The following SERPINF2 variants were observed in gnomAD, a reference collection of about 807,000 sequenced individuals.
SERPINF2 encodes serpin family F member 2.
Under a neutral mutation model 45.0 loss-of-function variants are expected in SERPINF2, and 15 were observed. That is an observed-to-expected ratio of 0.33 (90% CI 0.22 to 0.51). The LOEUF (loss-of-function observed/expected upper bound fraction) is 0.51, where lower values mean the gene tolerates loss of function less well. Ranked by LOEUF, SERPINF2 falls within the 20% of genes least tolerant of loss-of-function variation. The probability of loss-of-function intolerance (pLI) is 0.97; values close to 1 mark genes in which losing one functional copy is unlikely to be tolerated. For missense variants in SERPINF2, 518 were observed against 637.4 expected, an observed-to-expected ratio of 0.81 and a Z score of 2.02; for synonymous variants, 283 against 277.9, an observed-to-expected ratio of 1.02 and a Z score of -0.18.
intron 9 of SERPINF2, 119 bp downstream of exon 9, chr17:1,752,909 G>A (rs775052592): frequency 1.5e-5 from 13 of 880,352 alleles, no homozygotes; most frequent in Non-Finnish European, 2.1e-5. Flanking sequence ...TCTTTTCCAG[G>A]GCTTCGGGAG....
intron 8 of SERPINF2, among the ~76,000 whole-genome samples, chr17:1,750,040 C>T (rs2034865233): frequency 6.6e-6 from 1 of 151,548 alleles, no homozygotes; most frequent in African/African-American, 2.4e-5. Flanking sequence ...GTGGCACGAT[C>T]TCGGCTCACT....
Position 1,748,518 on chromosome 17 carries a change from G to A in SERPINF2, c.716-80G>A, listed in dbSNP as rs995034755. ...GGGCTGGGGGTGCAGAGCCCAAGCTGGTCCCCATCGACGTGACCCCTGCCC... is the reference window on the plus strand; with the variant it reads ...GGGCTGGGGGTGCAGAGCCCAAGCTAGTCCCCATCGACGTGACCCCTGCCC... On this transcript the variant is annotated intron_variant, in intron 7 of 9. Coordinates refer to ENST00000453066, the MANE Select transcript of SERPINF2 (RefSeq NM_000934.4). The A allele has an allele frequency of 1.9e-6, 3 of 1,574,578 alleles. No homozygotes were observed. In the African/African-American group the frequency reaches 4.0e-5, roughly 21 times the overall value.
At chr17:1,746,014 T>C in intron 5 of SERPINF2, 105 bp downstream of exon 5, 1 of 1,275,146 alleles carries the variant, frequency 7.8e-7, no homozygotes, top group South Asian at 1.2e-5. Context: ...GTCACGTGGC[T>C]GTTTGGTAAA....
In SERPINF2 at chr17:1,754,318, C is replaced by T. The variant is rs147941157; in HGVS notation, c.1260C>T (p.Phe420=). 275 of 1,614,180 alleles carry T rather than the reference C, an allele frequency of 1.7e-4. 1 individual carries two copies. The East Asian group carries it at 4.7e-3, about 27-fold the overall frequency. ...SVNRPFLFFI[F]EDTTGLPLFV... ...ACCGCCCCTTCCTCTTCTTCATCTT[C>T]GAGGACACCACAGGCCTTCCCCTCT... Residue 420 remains phenylalanine (F), a synonymous_variant, in exon 10 of 10, where the codon TTC becomes TTT. Coordinates refer to ENST00000453066, the MANE Select transcript of SERPINF2 (RefSeq NM_000934.4).
intron 9 of SERPINF2, among the ~76,000 whole-genome samples, chr17:1,753,233 C>T (rs948348042): frequency 1.2e-4 from 18 of 152,114 alleles, no homozygotes; most frequent in African/African-American, 3.9e-4. Flanking sequence ...ATTGAAACTC[C>T]GTCCCTACAA....
rs753995965 is a variant in SERPINF2 at position 1,747,498 on chromosome 17, C to T, written c.701C>T (p.Ala234Val). Reference sequence around the variant, plus strand: ...GACACCGTGTTGCTTCTCCTCAACGCCATCCACTTCCAGGGTGCGCTCCTC... The same window carrying T: ...GACACCGTGTTGCTTCTCCTCAACGTCATCCACTTCCAGGGTGCGCTCCTC... ...PEDTVLLLLN[A>V]IHFQGFWRNK... The change falls in exon 7 of 10, where the codon GCC (alanine) becomes GTC (valine). Residue 234 changes from alanine to valine, a missense_variant. This residue lies in a region of SERPINF2 where 435 missense variants were observed against 577.3 expected (regional missense o/e 0.75). Coordinates refer to ENST00000453066, the MANE Select transcript of SERPINF2 (RefSeq NM_000934.4). The T allele has an allele frequency of 7.4e-6, 12 of 1,613,844 alleles. No homozygotes were observed. The South Asian group carries it at 1.2e-4, about 16-fold the overall frequency.
chr17:1,751,733 G>A lies in SERPINF2; in HGVS notation c.859-853G>A, dbSNP rs750535756. ...TGCGCCACTGCACTCCAGCCTGGGC[G>A]ACAGTGCGAGACTCCAACTCAAAAG... On this transcript the variant is annotated intron_variant, in intron 8 of 9. Coordinates refer to ENST00000453066, the MANE Select transcript of SERPINF2 (RefSeq NM_000934.4). 2.4e-4 allele frequency among the ~76,000 whole-genome samples: 33 copies of A among 137,250 alleles called. 9 individuals carry two copies. The highest frequency in any genetic ancestry group is 4.6e-4 in the Non-Finnish European group (28 of 60,882). 90.0% of individuals were successfully genotyped at this position (137,250 alleles called of 152,430 possible). A position where few individuals can be genotyped will look rare whatever the true frequency, so the allele number is the denominator to read the frequency against.
At chr17:1,746,428 ATTT>A (rs373613742) in intron 5 of SERPINF2, among the ~76,000 whole-genome samples, 3 of 138,540 alleles carry the variant, frequency 2.2e-5, no homozygotes, top group Admixed American at 7.2e-5. Flanking sequence ...CCTCCTGGTG[ATTT>A]TTTTTTTTTT....
chr17:1,745,405 G>C lies in SERPINF2; in HGVS notation c.165+10G>C. On this transcript the variant is annotated intron_variant, in intron 4 of 9. Transcript: ENST00000453066. This position sits in a 1 kb window ranked among gnomAD's most constrained non-coding sequence, Gnocchi z 6.2. ...CAAGTTGGGCAACCAGGTACAACCAGGTGGGGCTGGGGAAGAGTGGGCGGG... is the reference window on the plus strand; with the variant it reads ...CAAGTTGGGCAACCAGGTACAACCACGTGGGGCTGGGGAAGAGTGGGCGGG... 1 of 1,612,440 alleles carries C rather than the reference G, an allele frequency of 6.2e-7. No homozygotes were observed. The highest frequency in any genetic ancestry group is 1.1e-5 in the South Asian group (1 of 91,052).
intron 8 of SERPINF2, among the ~76,000 whole-genome samples, chr17:1,751,176 C>T (rs931602274): frequency 9.9e-5 from 15 of 152,166 alleles, no homozygotes; most frequent in African/African-American, 3.4e-4. Flanking sequence ...TGGCTGGGCA[C>T]GGTGGCTCAC....
rs1476413004 is a variant in SERPINF2 at position 1,745,465 on chromosome 17, G to C, written c.165+70G>C. 3 of 1,490,686 alleles carry C rather than the reference G, an allele frequency of 2.0e-6. No individual in the cohort carries two copies. Among genetic ancestry groups the C allele is most frequent in the South Asian group, 1.1e-5 (1 of 87,150 alleles). The allele number at this position is 1,490,686 out of a possible 1,614,324, so 92.3% of individuals were successfully genotyped here. A position where few individuals can be genotyped will look rare whatever the true frequency, so the allele number is the denominator to read the frequency against. ...AGGAGGGCCCATCGGCAGGGGTCGGGGGGTGGGGGCGCGTGCTGAGGCTGA... is the reference window on the plus strand; with the variant it reads ...AGGAGGGCCCATCGGCAGGGGTCGGCGGGTGGGGGCGCGTGCTGAGGCTGA... On this transcript the variant is annotated intron_variant, in intron 4 of 9. Transcript: ENST00000453066. The surrounding 1 kb of genome is among the most constrained non-coding windows in gnomAD (Gnocchi z 6.2).
Position 1,747,290 on chromosome 17 carries a change from T to C in SERPINF2, c.512-19T>C, listed in dbSNP as rs772261070. On this transcript the variant is annotated intron_variant, in intron 6 of 9. Coordinates refer to ENST00000453066, the MANE Select transcript of SERPINF2 (RefSeq NM_000934.4). ...TGGAGCCTGGAGCCCTGGGAACAGC[T>C]TGTGCTGCCTCCGTGCAGGATTTCC... 1.2e-6 allele frequency: 2 copies of C among 1,613,304 alleles called. No individual in the cohort carries two copies. Among genetic ancestry groups the C allele is most frequent in the Admixed American group, 1.7e-5 (1 of 59,902 alleles).
At chr17:1,752,548 C>A (rs373620091) in intron 8 of SERPINF2, 38 bp from the exon 9 acceptor site, 6 of 1,601,056 alleles carry the variant, frequency 3.7e-6, no homozygotes, top group Non-Finnish European at 5.1e-6. Context: ...AGCTTCGGGG[C>A]TTTCTGTCCT....
In SERPINF2 at chr17:1,745,784, G is replaced by C; in HGVS notation, c.242G>C (p.Arg81Thr). ...GACCCCACCCCAGAGCAGACCCACA[G>C]GCTGGCCCGGGCCATGATGGCCTTC... ...SRDPTPEQTHRLARAMMAFTA... is the reference protein window; with the variant it reads ...SRDPTPEQTHTLARAMMAFTA... Residue 81 changes from arginine (R) to threonine (T), a missense_variant, in exon 5 of 10, where the codon AGG becomes ACG. Arg to Thr is a moderately conservative substitution (Grantham distance 71). This residue lies in a region of SERPINF2 where 435 missense variants were observed against 577.3 expected (regional missense o/e 0.75). Transcript: ENST00000453066. The surrounding 1 kb of genome is among the most constrained non-coding windows in gnomAD (Gnocchi z 6.2). 1.2e-6 allele frequency: 2 copies of C among 1,613,994 alleles called. No homozygotes were observed. The highest frequency in any genetic ancestry group is 1.7e-6 in the Non-Finnish European group (2 of 1,180,008).
intron 8 of SERPINF2, 89 bp downstream of exon 8, chr17:1,748,829 G>A (rs1906111297): frequency 1.2e-6 from 1 of 806,192 alleles, no homozygotes; most frequent in Non-Finnish European, 2.2e-6. Context: ...AGGGATGGGT[G>A]GAGGCTGTCT....
intron 1 of SERPINF2, among the ~76,000 whole-genome samples, chr17:1,744,216 G>T (rs746835924): frequency 6.6e-5 from 10 of 151,322 alleles, no homozygotes; most frequent in Non-Finnish European, 1.0e-4. Context: ...TCTTTTGCCG[G>T]GTGCAGTGGC....
intron 1 of SERPINF2, among the ~76,000 whole-genome samples, chr17:1,743,715 CAAA>C (rs61163841): frequency 4.1e-4 from 14 of 33,742 alleles, no homozygotes; most frequent in African/African-American, 1.1e-3. Flanking sequence ...AACTCCATCT[CAAA>C]AAAAAAAAAA....
intron 1 of SERPINF2, 199 bp downstream of exon 1, chr17:1,743,107 T>C (rs1905440446): frequency 1.0e-6 from 1 of 982,722 alleles, no homozygotes; most frequent in Non-Finnish European, 1.2e-6. Flanking sequence ...CAAGGGCTCT[T>C]GTGTGGGATG....
Position 1,754,369 on chromosome 17 carries a change from C to G in SERPINF2, c.1311C>G (p.Asn437Lys). 6.2e-7 allele frequency: 1 copy of G among 1,614,176 alleles called. No individual in the cohort carries two copies. Among genetic ancestry groups the G allele is most frequent in the Non-Finnish European group, 8.5e-7 (1 of 1,180,034 alleles). The change falls in exon 10 of 10, where the codon AAC becomes AAG. Residue 437 changes from asparagine to lysine, a missense_variant. Physicochemically the swap from Asn to Lys is moderately conservative, Grantham distance 94. Coordinates refer to ENST00000453066, the MANE Select transcript of SERPINF2 (RefSeq NM_000934.4). ...TCGTGGGCAGCGTGAGGAACCCCAA[C>G]CCCAGTGCACCGCGGGAGCTCAAGG... ...PLFVGSVRNP[N>K]PSAPRELKEQ... is the part of the protein sequence containing the mutation.
Sources: allele counts gnomAD v4.1 joint callset (sites outside exome capture counted in the v4.1 genomes callset), GRCh38; gene constraint gnomAD v4.1.1; regional missense constraint gnomAD v4.1.1; non-coding constraint Gnocchi (gnomAD v3.1); transcripts MANE v1.5; gene names NCBI Gene and HGNC (gene_info 2026-07-23, HGNC 2026-07-21).